TENM3: variants seen among roughly 807,000 people sequenced by gnomAD.
TENM3 encodes teneurin transmembrane protein 3.
TENM3 carries 63 observed loss-of-function variants against 255.1 expected under a neutral mutation model. The ratio of observed to expected loss-of-function variants is 0.25; its 90% CI spans 0.20 to 0.30. The LOEUF is 0.30. Among genes scored for constraint, TENM3 ranks in the 10% least tolerant of loss-of-function variants. TENM3 has a pLI of 1.00. For missense variants in TENM3, 2,929 were observed against 3,461.1 expected, an observed-to-expected ratio of 0.85 and a Z score of 3.86; for synonymous variants, 1,306 against 1,322.3, an observed-to-expected ratio of 0.99 and a Z score of 0.27.
intron 17 of TENM3, among the ~76,000 whole-genome samples, chr4:182,738,144 A>C (rs936528459): frequency 6.6e-6 from 1 of 152,040 alleles, no homozygotes; most frequent in Non-Finnish European, 1.5e-5. Context: ...TGTGCTGTGA[A>C]CCCCTCATGA....
the TENM3 span, among the ~76,000 whole-genome samples, chr4:181,733,347 T>C: frequency 2.0e-5 from 3 of 152,244 alleles, no homozygotes; most frequent in African/African-American, 7.2e-5. Context: ...AGGCTATGTT[T>C]CTGAAAGACT....
chr4:181,757,992 C>T, the TENM3 span, among the ~76,000 whole-genome samples: 1 of 152,104 alleles, frequency 6.6e-6, no homozygotes, highest in Non-Finnish European at 1.5e-5. Flanking sequence ...GTGACATCTC[C>T]CCTTCTCCAG....
the TENM3 span, among the ~76,000 whole-genome samples, chr4:181,568,909 C>T: frequency 6.6e-6 from 1 of 152,190 alleles, no homozygotes; most frequent in East Asian, 1.9e-4. Context: ...GACTTCCACT[C>T]CCCAAGGGTA....
the TENM3 span, among the ~76,000 whole-genome samples, chr4:181,915,795 G>GTGTGTATCAC: frequency 1.3e-5 from 2 of 152,002 alleles, no homozygotes; most frequent in African/African-American, 4.8e-5. Flanking sequence ...AGGTAGTCCA[G>GTGTGTATCAC]TGTGTATCAC....
At chr4:181,528,194 G>A in the TENM3 span, among the ~76,000 whole-genome samples, 11 of 151,830 alleles carry the variant, frequency 7.2e-5, no homozygotes, top group Non-Finnish European at 1.0e-4. Flanking sequence ...TATATTGGAC[G>A]TTTACTTTTT....
At chr4:181,820,783 C>A in the TENM3 span, among the ~76,000 whole-genome samples, 2 of 152,122 alleles carry the variant, frequency 1.3e-5, no homozygotes, top group African/African-American at 4.8e-5. Context: ...ACTGGTTTAG[C>A]TTTTTCTTGA....
At chr4:181,680,252 A>G in the TENM3 span, among the ~76,000 whole-genome samples, 1 of 152,166 alleles carries the variant, frequency 6.6e-6, no homozygotes, top group African/African-American at 2.4e-5. Flanking sequence ...TCTCAAGTAT[A>G]TAGGCTGTAA....
chr4:182,097,815 C>A, the TENM3 span, among the ~76,000 whole-genome samples: 2 of 152,242 alleles, frequency 1.3e-5, no homozygotes, highest in African/African-American at 4.8e-5. Flanking sequence ...GGCACCAACT[C>A]ATTGAATTAG....
chr4:182,155,659 T>A (rs1262486632), intron 1 of TENM3, among the ~76,000 whole-genome samples: 1 of 152,110 alleles, frequency 6.6e-6, no homozygotes, highest in Non-Finnish European at 1.5e-5. Flanking sequence ...TGTAACCAAA[T>A]TTCAATTATT....
chr4:181,774,010 T>TG, the TENM3 span, among the ~76,000 whole-genome samples: 2 of 126,982 alleles, frequency 1.6e-5, no homozygotes, highest in African/African-American at 3.4e-5. Flanking sequence ...TGTGTTTTTT[T>TG]TTTTTTTTTT....
At chr4:181,776,029 G>T in the TENM3 span, among the ~76,000 whole-genome samples, 2 of 151,876 alleles carry the variant, frequency 1.3e-5, no homozygotes, top group South Asian at 4.1e-4. Context: ...CCCTCTTTCT[G>T]ACTGTATGTT....
intron 1 of TENM3, among the ~76,000 whole-genome samples, chr4:182,149,120 C>A (rs547422641): frequency 6.6e-6 from 1 of 152,054 alleles, no homozygotes; most frequent in South Asian, 2.1e-4. Flanking sequence ...TTGATAAGAA[C>A]TATGTATCTT....
the TENM3 span, among the ~76,000 whole-genome samples, chr4:181,688,020 T>C: frequency 3.3e-5 from 5 of 152,166 alleles, no homozygotes; most frequent in African/African-American, 1.2e-4. Flanking sequence ...TTTATGTAAA[T>C]CACTTTTGTA....
the TENM3 span, among the ~76,000 whole-genome samples, chr4:181,556,799 C>A: frequency 2.0e-5 from 3 of 152,134 alleles, no homozygotes; most frequent in South Asian, 2.1e-4. Context: ...TTCATTTGTT[C>A]TTCTCGAAAT....
In TENM3 at chr4:182,714,229, A is replaced by G. The variant is rs1377634394; in HGVS notation, c.2364A>G (p.Glu788=). The change falls in exon 13 of 28, where the codon GAA becomes GAG. Residue 788 remains glutamate (E), a synonymous_variant. Transcript: ENST00000511685. ...ETLCTDSKDN[E]GDGLIDCMDP... is the part of the protein sequence containing the mutation. ...TTTGCACAGATAGCAAGGACAATGAAGGAGGTAAGAAATACTGAGCATGAA... is the reference window on the plus strand; with the variant it reads ...TTTGCACAGATAGCAAGGACAATGAGGGAGGTAAGAAATACTGAGCATGAA... 1.2e-6 allele frequency: 2 copies of G among 1,602,222 alleles called. No individual in the cohort carries two copies. The highest frequency in any genetic ancestry group is 1.7e-6 in the Non-Finnish European group (2 of 1,173,480).
chr4:182,573,588 G>C (rs1351187198), intron 3 of TENM3, among the ~76,000 whole-genome samples: 1 of 152,082 alleles, frequency 6.6e-6, no homozygotes, highest in African/African-American at 2.4e-5. Flanking sequence ...TTTTAGCCTA[G>C]TTTCCCAGAT....
chr4:182,569,445 T>C (rs565757737), intron 3 of TENM3, among the ~76,000 whole-genome samples: 127 of 151,746 alleles, frequency 8.4e-4, no homozygotes, highest in African/African-American at 3.0e-3. Flanking sequence ...TCCCAGCTAC[T>C]CGGGAGGCTG....
chr4:181,977,016 C>A, the TENM3 span, among the ~76,000 whole-genome samples: 1 of 152,166 alleles, frequency 6.6e-6, no homozygotes. Context: ...AAAGAGAATG[C>A]ACCCCTCCTT....
At chr4:182,430,588 A>G (rs1771547728) in intron 3 of TENM3, among the ~76,000 whole-genome samples, 1 of 152,044 alleles carries the variant, frequency 6.6e-6, no homozygotes, top group Admixed American at 6.6e-5. Context: ...GGGTTGAAGA[A>G]AGGCAGTAGA....
Sources: allele counts gnomAD v4.1 joint callset (sites outside exome capture counted in the v4.1 genomes callset), GRCh38; gene constraint gnomAD v4.1.1; transcripts MANE v1.5; gene names NCBI Gene and HGNC (gene_info 2026-07-23, HGNC 2026-07-21).